TBC1D30: variants seen among roughly 807,000 people sequenced by gnomAD.
TBC1D30 encodes the protein TBC1 domain family member 30.
In TBC1D30, 31 loss-of-function variants were observed where a neutral mutation model predicts 63.2. That is an observed-to-expected ratio of 0.49 (90% CI 0.37 to 0.66). TBC1D30 has a LOEUF of 0.66. TBC1D30 is among the 30% of genes least tolerant of loss of function. TBC1D30 has a pLI of 0.00. For synonymous variants in TBC1D30, 307 were observed against 361.5 expected, an observed-to-expected ratio of 0.85 and a Z score of 1.71; for missense variants, 810 against 953.6, an observed-to-expected ratio of 0.85 and a Z score of 1.98.
chr12:64,828,397 A>T (rs544341078), intron 2 of TBC1D30, 47 bp from the exon 3 acceptor site: 1 of 1,374,922 alleles, frequency 7.3e-7, no homozygotes, highest in East Asian at 2.5e-5. Context: ...CAAAGTGCTT[A>T]TCTAGGTCAC....
intron 2 of TBC1D30, among the ~76,000 whole-genome samples, chr12:64,811,617 T>TCCTG (rs1307004440): frequency 2.6e-5 from 4 of 152,164 alleles, no homozygotes; most frequent in African/African-American, 9.7e-5. Flanking sequence ...CCTAATTGAC[T>TCCTG]CCTGTATGTC....
Position 64,875,510 on chromosome 12 carries a change from A to C in TBC1D30, c.2008A>C (p.Thr670Pro). ...GAACCAGAGGGATGCTGCAGCTGAA[A>C]CTGAGCTCAGGGTGCACCCACCCTG... ...ELNQRDAAAE[T>P]ELRVHPPCQR... The change falls in exon 12 of 12, where the codon ACT becomes CCT. Residue 670 changes from threonine to proline, a missense_variant. Transcript: ENST00000539867. 1 of 1,536,066 alleles carries C rather than the reference A, an allele frequency of 6.5e-7. No homozygotes were observed. The highest frequency in any genetic ancestry group is 8.7e-7 in the Non-Finnish European group (1 of 1,146,914).
At chr12:64,864,919 G>A in intron 9 of TBC1D30, 139 bp downstream of exon 9, 1 of 639,544 alleles carries the variant, frequency 1.6e-6, no homozygotes, top group South Asian at 2.5e-5. Flanking sequence ...CTTTCCAAAT[G>A]GTTTTGATTT....
At chr12:64,809,265 C>T (rs933667879) in intron 2 of TBC1D30, among the ~76,000 whole-genome samples, 1 of 150,150 alleles carries the variant, frequency 6.7e-6, no homozygotes, top group South Asian at 2.2e-4. Context: ...ATTCTTCCCC[C>T]CAAGTCCCCA....
At chr12:64,791,837 G>A (rs1225388422) in intron 2 of TBC1D30, among the ~76,000 whole-genome samples, 1 of 152,066 alleles carries the variant, frequency 6.6e-6, no homozygotes, top group Non-Finnish European at 1.5e-5. Context: ...TCCTGCTTCA[G>A]CCTCCCAAAG....
At chr12:64,777,081 T>A (rs924410375), upstream of TBC1D30, among the ~76,000 whole-genome samples, 1 of 152,146 alleles carries the variant, frequency 6.6e-6, no homozygotes, top group East Asian at 1.9e-4. Context: ...AAACTCTCAA[T>A]AAACTAGGTA....
intron 1 of TBC1D30, among the ~76,000 whole-genome samples, chr12:64,769,542 ATTT>A (rs35063952): frequency 7.5e-5 from 10 of 133,076 alleles, no homozygotes; most frequent in Non-Finnish European, 9.7e-5. Flanking sequence ...ACGCTGGGCT[ATTT>A]TTTTTTTTTT....
At chr12:64,869,857 C>CT (rs907587579) in intron 10 of TBC1D30, among the ~76,000 whole-genome samples, 1 of 152,136 alleles carries the variant, frequency 6.6e-6, no homozygotes, top group African/African-American at 2.4e-5. Flanking sequence ...GTCTCTCAGT[C>CT]TTTTTTTGAC....
chr12:64,806,730 G>A (rs973181371), intron 2 of TBC1D30, among the ~76,000 whole-genome samples: 1 of 152,194 alleles, frequency 6.6e-6, no homozygotes, highest in East Asian at 1.9e-4. Context: ...GCACATCCAC[G>A]TTCATAGCAG....
chr12:64,859,388 A>G (rs1341180442), intron 8 of TBC1D30, among the ~76,000 whole-genome samples: 5 of 152,156 alleles, frequency 3.3e-5, no homozygotes. Flanking sequence ...GGAAAGGGGA[A>G]TAGAAGATCT....
chr12:64,814,519 G>C (rs1873409253), intron 2 of TBC1D30, among the ~76,000 whole-genome samples: 1 of 152,178 alleles, frequency 6.6e-6, no homozygotes, highest in Admixed American at 6.5e-5. Flanking sequence ...TAGTTTTCAA[G>C]TATCAGGAAG....
At chr12:64,854,080 A>G (rs1292664883) in intron 8 of TBC1D30, among the ~76,000 whole-genome samples, 1 of 152,116 alleles carries the variant, frequency 6.6e-6, no homozygotes, top group African/African-American at 2.4e-5. Flanking sequence ...ATTTACATTC[A>G]GTGTTATTGA....
At chr12:64,796,895 A>G (rs1250429605) in intron 2 of TBC1D30, among the ~76,000 whole-genome samples, 1 of 151,900 alleles carries the variant, frequency 6.6e-6, no homozygotes, top group Non-Finnish European at 1.5e-5. Context: ...AAAAGAATTG[A>G]CTCTTTAATT....
chr12:64,815,667 A>G (rs1873481166), intron 2 of TBC1D30, among the ~76,000 whole-genome samples: 1 of 152,214 alleles, frequency 6.6e-6, no homozygotes, highest in South Asian at 2.1e-4. Context: ...GCATAAATAT[A>G]TTTTTTAAAC....
chr12:64,871,907 C>T (rs11175578), intron 11 of TBC1D30, among the ~76,000 whole-genome samples: 6,521 of 152,236 alleles, frequency 0.043, 453 homozygotes, highest in African/African-American at 0.15. Context: ...TTGGGTGTGA[C>T]GGTAAACAAT....
chr12:64,821,649 A>G (rs1405232238), upstream of TBC1D30, among the ~76,000 whole-genome samples: 8 of 152,150 alleles, frequency 5.3e-5, no homozygotes, highest in Non-Finnish European at 1.2e-4. Context: ...GCCCTCTAAA[A>G]AACTGGTCAA....
chr12:64,815,037 A>T (rs575386582), intron 2 of TBC1D30, among the ~76,000 whole-genome samples: 16 of 152,338 alleles, frequency 1.1e-4, no homozygotes, highest in African/African-American at 3.6e-4. Context: ...TTCAGGAGAC[A>T]TGTACGTTCC....
chr12:64,845,459 G>A (rs1876279145), intron 8 of TBC1D30, among the ~76,000 whole-genome samples: 1 of 152,140 alleles, frequency 6.6e-6, no homozygotes, highest in African/African-American at 2.4e-5. Flanking sequence ...GAGCGCGGTG[G>A]CTCATGCCTG....
At chr12:64,853,477 C>T (rs1877043709) in intron 8 of TBC1D30, among the ~76,000 whole-genome samples, 1 of 152,188 alleles carries the variant, frequency 6.6e-6, no homozygotes. Flanking sequence ...CTGGCTTCAG[C>T]CCCCTTTCCA....
Sources: gnomAD v4.1 joint callset for allele counts (sites outside exome capture counted in the v4.1 genomes callset) on GRCh38, gnomAD v4.1.1 for gene constraint, MANE v1.5 for transcripts, NCBI Gene and HGNC (gene_info 2026-07-23, HGNC 2026-07-21) for gene names.